TTC7A: variants seen among roughly 807,000 people sequenced by gnomAD.
TTC7A encodes tetratricopeptide repeat protein 7A.
In TTC7A, 110 loss-of-function variants were observed where a neutral mutation model predicts 103.7. That is an observed-to-expected ratio of 1.06 (90% CI 0.91 to 1.24). TTC7A has a LOEUF of 1.24. Among genes scored for constraint, TTC7A ranks in the 50% most tolerant of loss-of-function variants. TTC7A has a pLI of 0.00. For missense variants in TTC7A, 1,340 were observed against 1,116.3 expected (o/e 1.20, Z -2.86); for synonymous variants, 521 against 467.9 (o/e 1.11, Z -1.47).
At chr2:47,056,622 A>G (rs1683341026) in intron 18 of TTC7A, among the ~76,000 whole-genome samples, 1 of 152,246 alleles carries the variant, frequency 6.6e-6, no homozygotes, top group African/African-American at 2.4e-5. Context: ...GGGTTAGACC[A>G]GGATGCCTCA....
intron 18 of TTC7A, among the ~76,000 whole-genome samples, chr2:47,060,468 A>T (rs1266951953): frequency 6.6e-6 from 1 of 152,220 alleles, no homozygotes; most frequent in Non-Finnish European, 1.5e-5. Context: ...CCTGTCTCAA[A>T]AAAAACAAAA....
chr2:47,042,702 G>GTGTGTGTGTATATA lies in TTC7A; in HGVS notation c.1803-3612_1803-3611insGTGTGTGTATATAT, dbSNP rs111460716. ...TGTGTGTGTGTGTGTGTGTGTGTGT[G>GTGTGTGTGTATATA]TATATATATGTATAAAGTAATTAAG... On this transcript the variant is annotated intron_variant, in intron 15 of 19. Coordinates refer to ENST00000319190, the MANE Select transcript of TTC7A (RefSeq NM_020458.4). 1.2e-3 allele frequency among the ~76,000 whole-genome samples: 172 copies of GTGTGTGTGTATATA among 142,722 alleles called. 2 individuals carry two copies. Among genetic ancestry groups the GTGTGTGTGTATATA allele is most frequent in the African/African-American group, 1.8e-3 (67 of 37,590 alleles). The allele number at this position is 142,722 out of a possible 152,430, so 93.6% of individuals were successfully genotyped here. A position where few individuals can be genotyped will look rare whatever the true frequency, so the allele number is the denominator to read the frequency against.
intron 15 of TTC7A, among the ~76,000 whole-genome samples, chr2:47,038,780 C>T (rs915578218): frequency 6.6e-6 from 1 of 151,514 alleles, no homozygotes; most frequent in African/African-American, 2.4e-5. Flanking sequence ...CAGGAACGCC[C>T]TGCAGCTTCA....
chr2:46,951,766 C>G (rs1671438164), intron 2 of TTC7A: 1 of 422,738 alleles, frequency 2.4e-6, no homozygotes, highest in African/African-American at 2.0e-5. Context: ...CCTTTTATTC[C>G]AACGTACTGT....
Position 47,000,012 on chromosome 2 carries a change from C to T in TTC7A, c.1065+4813C>T, listed in dbSNP as rs75584188. 8.0e-3 allele frequency: 4,693 copies of T among 584,532 alleles called. 499 individuals are homozygous for T. In the East Asian group the frequency reaches 0.34, roughly 43 times the overall value. 36.2% of individuals were successfully genotyped at this position (584,532 alleles called of 1,614,324 possible). On this transcript the variant is annotated intron_variant, in intron 8 of 19. Coordinates refer to ENST00000319190, the MANE Select transcript of TTC7A (RefSeq NM_020458.4). Reference sequence around the variant, plus strand: ...TCACAATCTGTGTGGCCTGGTTGAGCTTCTTACCACCCTGAGCCTCGGTTT... The same window carrying T: ...TCACAATCTGTGTGGCCTGGTTGAGTTTCTTACCACCCTGAGCCTCGGTTT...
intron 3 of TTC7A, among the ~76,000 whole-genome samples, chr2:46,959,949 A>G (rs1672227837): frequency 1.3e-5 from 2 of 152,208 alleles, no homozygotes; most frequent in Admixed American, 6.5e-5. Flanking sequence ...GCTTAGAAAC[A>G]ATAGAAAAAC....
At position 47,029,440 on chromosome 2, in the gene TTC7A, G is replaced by A; in HGVS notation, c.1802+56G>A. The A allele has an allele frequency of 2.5e-6, 4 of 1,595,676 alleles. No individual in the cohort carries two copies. In the East Asian group the frequency reaches 8.9e-5, roughly 36 times the overall value. On this transcript the variant is annotated intron_variant, in intron 15 of 19. Coordinates refer to ENST00000319190, the MANE Select transcript of TTC7A (RefSeq NM_020458.4). The stretch of plus-strand genomic sequence containing the variant: ...GGGAGCTGGCTGGCCTCTGCAGCAG[G>A]CGCCCATGCACACCTGCCCTGCCAT...
At chr2:47,045,774 G>A (rs1287463742) in intron 15 of TTC7A, among the ~76,000 whole-genome samples, 1 of 152,216 alleles carries the variant, frequency 6.6e-6, no homozygotes, top group Admixed American at 6.5e-5. Context: ...CACCTATACT[G>A]TTGTGGCTGG....
At chr2:46,968,885 C>A (rs1467479142) in intron 3 of TTC7A, among the ~76,000 whole-genome samples, 1 of 151,678 alleles carries the variant, frequency 6.6e-6, no homozygotes, top group East Asian at 1.9e-4. Flanking sequence ...TCCCCTTGGG[C>A]TCTTTTCTAA....
Position 47,021,749 on chromosome 2 carries a change from G to T in TTC7A, c.1393-113G>T, listed in dbSNP as rs956311829. 10 of 812,564 alleles carry T rather than the reference G, an allele frequency of 1.2e-5. No homozygotes were observed. In the African/African-American group the frequency reaches 1.5e-4, roughly 12 times the overall value. 50.3% of individuals were successfully genotyped at this position (812,564 alleles called of 1,614,324 possible). A position where few individuals can be genotyped will look rare whatever the true frequency, so the allele number is the denominator to read the frequency against. ...GGAAGCTTCTCCCTGTGAGAGTAAG[G>T]CCCTGTGACCTTGAGCACAAGGCTT... On this transcript the variant is annotated intron_variant, in intron 11 of 19. Coordinates refer to ENST00000319190, the MANE Select transcript of TTC7A (RefSeq NM_020458.4).
At chr2:47,002,139 G>C (rs1412157225) in intron 8 of TTC7A, among the ~76,000 whole-genome samples, 5 of 152,328 alleles carry the variant, frequency 3.3e-5, no homozygotes, top group African/African-American at 1.2e-4. Context: ...CTTTAATTGA[G>C]GAGGGGCTAC....
At chr2:46,968,295 A>C (rs1229054074) in intron 3 of TTC7A, among the ~76,000 whole-genome samples, 1 of 152,198 alleles carries the variant, frequency 6.6e-6, no homozygotes, top group Non-Finnish European at 1.5e-5. Flanking sequence ...TGCCGGTGGG[A>C]ATCACAAGGC....
chr2:46,980,575 T>A (rs1321614487), intron 5 of TTC7A, among the ~76,000 whole-genome samples: 1 of 152,172 alleles, frequency 6.6e-6, no homozygotes, highest in African/African-American at 2.4e-5. Flanking sequence ...TTTCCGCGAC[T>A]CACAACCAGT....
intron 3 of TTC7A, among the ~76,000 whole-genome samples, chr2:46,959,187 G>T (rs1032512007): frequency 2.0e-5 from 3 of 152,204 alleles, no homozygotes; most frequent in African/African-American, 7.2e-5. Context: ...TTACAGTTGA[G>T]GAGACTGAGG....
At chr2:47,029,413 G>T in intron 15 of TTC7A, 29 bp downstream of exon 15, 3 of 1,611,496 alleles carry the variant, frequency 1.9e-6, no homozygotes, top group Admixed American at 1.7e-5. Context: ...CTCTGGCAGT[G>T]GGGGAGCTGG....
intron 10 of TTC7A, among the ~76,000 whole-genome samples, 153 bp downstream of exon 10, chr2:47,006,877 A>G (rs1677469003): frequency 6.6e-6 from 1 of 152,146 alleles, no homozygotes; most frequent in African/African-American, 2.4e-5. Flanking sequence ...GGTGGGCCAC[A>G]CAGACACCTT....
At chr2:47,054,788 CTG>C (rs1237317851) in intron 18 of TTC7A, among the ~76,000 whole-genome samples, 1 of 149,534 alleles carries the variant, frequency 6.7e-6, no homozygotes, top group Non-Finnish European at 1.5e-5. Context: ...TGAACTGAGA[CTG>C]TGCCACTGCA....
At chr2:46,988,136 C>T (rs1323017307) in intron 5 of TTC7A, among the ~76,000 whole-genome samples, 1 of 152,124 alleles carries the variant, frequency 6.6e-6, no homozygotes, top group African/African-American at 2.4e-5. Flanking sequence ...CCCATTCCAG[C>T]CTCTCTGAAT....
At chr2:46,993,414 C>G in intron 5 of TTC7A, 36 bp from the exon 6 acceptor site, 1 of 1,605,108 alleles carries the variant, frequency 6.2e-7, no homozygotes, top group Non-Finnish European at 8.5e-7. Flanking sequence ...GCGAGCTAGG[C>G]TGGTAACAAA....
Sources: gnomAD v4.1 joint callset for allele counts (sites outside exome capture counted in the v4.1 genomes callset) on GRCh38, gnomAD v4.1.1 for gene constraint, MANE v1.5 for transcripts, NCBI Gene and HGNC (gene_info 2026-07-23, HGNC 2026-07-21) for gene names.